KANSL1L: variants seen among roughly 807,000 people sequenced by gnomAD.
KANSL1L encodes the protein KAT8 regulatory NSL complex subunit 1-like protein.
A neutral mutation model predicts 108.6 loss-of-function variants in KANSL1L; 25 were observed. The observed-to-expected ratio is 0.23, with a 90% CI of 0.17 to 0.32. The LOEUF (loss-of-function observed/expected upper bound fraction) is 0.32, where lower values mean the gene tolerates loss of function less well. Ranked by LOEUF, KANSL1L falls within the 10% of genes least tolerant of loss-of-function variation. The pLI is 1.00. For missense variants in KANSL1L, 1,137 were observed against 1,125.7 expected (o/e 1.01, Z -0.14); for synonymous variants, 405 against 395.1 (o/e 1.03, Z -0.30).
At chr2:210,073,919 A>T (rs1235677303) in intron 6 of KANSL1L, among the ~76,000 whole-genome samples, 2 of 152,224 alleles carry the variant, frequency 1.3e-5, no homozygotes, top group East Asian at 3.8e-4. Context: ...GTACTCTTCA[A>T]GGCCCTGCAG....
At chr2:210,060,945 T>C (rs1054041017) in intron 6 of KANSL1L, among the ~76,000 whole-genome samples, 13 of 152,330 alleles carry the variant, frequency 8.5e-5, no homozygotes, top group Admixed American at 8.5e-4. Flanking sequence ...CAACTATTAA[T>C]AGAGAAGAAG....
At chr2:210,143,939 T>C (rs1331276664) in intron 2 of KANSL1L, among the ~76,000 whole-genome samples, 1 of 152,160 alleles carries the variant, frequency 6.6e-6, no homozygotes, top group Non-Finnish European at 1.5e-5. Context: ...TCATATGTTT[T>C]CATGTTCCTA....
Position 210,154,012 on chromosome 2 carries a change from C to A in KANSL1L, c.571G>T (p.Gly191Cys). ...TTCTTTTGAGTACAGTGCAATAAACCCTTTTTAATCTCAGCATCAGTAACT... is the reference window on the plus strand; with the variant it reads ...TTCTTTTGAGTACAGTGCAATAAACACTTTTTAATCTCAGCATCAGTAACT... ...DKVTDAEIKKGLLHCTQKKIV... is the reference protein window; with the variant it reads ...DKVTDAEIKKCLLHCTQKKIV... Residue 191 changes from glycine to cysteine, a missense_variant, in exon 2 of 15, where the codon GGT becomes TGT. Coordinates refer to ENST00000281772, the MANE Select transcript of KANSL1L (RefSeq NM_152519.4). The A allele has an allele frequency of 6.2e-7, 1 of 1,613,852 alleles. No individual in the cohort carries two copies. The highest frequency in any genetic ancestry group is 8.5e-7 in the Non-Finnish European group (1 of 1,179,994).
At chr2:210,124,942 A>C (rs780023929) in intron 3 of KANSL1L, among the ~76,000 whole-genome samples, 16 of 152,130 alleles carry the variant, frequency 1.1e-4, no homozygotes, top group Non-Finnish European at 1.6e-4. Flanking sequence ...CAACTTAAGA[A>C]GACTAAATCT....
chr2:210,104,811 G>T (rs949467924), intron 3 of KANSL1L, among the ~76,000 whole-genome samples: 1 of 152,080 alleles, frequency 6.6e-6, no homozygotes, highest in Non-Finnish European at 1.5e-5. Context: ...CCCTGCCCCT[G>T]TTGCTGTCAG....
chr2:210,146,814 T>C (rs1240554704), intron 2 of KANSL1L, among the ~76,000 whole-genome samples: 1 of 152,256 alleles, frequency 6.6e-6, no homozygotes, highest in African/African-American at 2.4e-5. Context: ...ACAAGCAATC[T>C]GATGCTTTTT....
intron 1 of KANSL1L, among the ~76,000 whole-genome samples, chr2:210,156,587 A>C (rs1356125253): frequency 5.3e-5 from 8 of 152,104 alleles, no homozygotes; most frequent in Admixed American, 5.2e-4. Context: ...AGTACCATAT[A>C]AATATAACAC....
intron 2 of KANSL1L, among the ~76,000 whole-genome samples, chr2:210,148,728 AG>A (rs2095282493): frequency 6.6e-6 from 1 of 152,182 alleles, no homozygotes; most frequent in Non-Finnish European, 1.5e-5. Flanking sequence ...TTGGAGGAAA[AG>A]TAACAAAGTC....
chr2:210,030,999 A>T (rs961431475), intron 9 of KANSL1L: 2 of 154,548 alleles, frequency 1.3e-5, no homozygotes, highest in African/African-American at 4.8e-5. Flanking sequence ...AGCTTTATAT[A>T]TATATATAAG....
At chr2:210,062,347 C>T (rs1431510045) in intron 6 of KANSL1L, among the ~76,000 whole-genome samples, 2 of 152,156 alleles carry the variant, frequency 1.3e-5, no homozygotes, top group African/African-American at 4.8e-5. Flanking sequence ...CTCTTTTTTC[C>T]TCCCAGTCTC....
At chr2:210,067,296 A>G (rs2125299663) in intron 6 of KANSL1L, among the ~76,000 whole-genome samples, 1 of 152,240 alleles carries the variant, frequency 6.6e-6, no homozygotes, top group South Asian at 2.1e-4. Flanking sequence ...CTTCTCTTAT[A>G]TATCTATATA....
chr2:210,143,520 T>C (rs1161110503), intron 2 of KANSL1L, among the ~76,000 whole-genome samples: 1 of 152,174 alleles, frequency 6.6e-6, no homozygotes, highest in African/African-American at 2.4e-5. Flanking sequence ...TTGTTTTTAA[T>C]GCAGATCCTT....
intron 8 of KANSL1L, chr2:210,032,629 A>C (rs1372553050): frequency 6.6e-6 from 1 of 152,258 alleles, no homozygotes; most frequent in Non-Finnish European, 1.5e-5. Context: ...GAGAGAAGGC[A>C]ATGCCCAGGT....
At chr2:210,086,764 A>G (rs908980476) in intron 5 of KANSL1L, among the ~76,000 whole-genome samples, 1 of 152,072 alleles carries the variant, frequency 6.6e-6, no homozygotes, top group Non-Finnish European at 1.5e-5. Context: ...AGTATATAGA[A>G]TGAGGCTAAC....
Position 210,052,778 on chromosome 2 carries a change from C to T in KANSL1L, c.1756-8674G>A, listed in dbSNP as rs116246768. 3.1e-3 allele frequency among the ~76,000 whole-genome samples: 476 copies of T among 152,130 alleles called. 1 individual carries two copies. The highest frequency in any genetic ancestry group is 0.011 in the African/African-American group (454 of 41,510). On this transcript the variant is annotated intron_variant, in intron 6 of 14. Transcript: ENST00000281772. Reference sequence around the variant, plus strand: ...CAATGCCTAGGCACTGTGTGGCACACGGTAGGTACTTAATATTTCTTTACT... The same window carrying T: ...CAATGCCTAGGCACTGTGTGGCACATGGTAGGTACTTAATATTTCTTTACT...
intron 8 of KANSL1L, among the ~76,000 whole-genome samples, chr2:210,031,813 G>C (rs1219740162): frequency 1.3e-5 from 2 of 152,262 alleles, no homozygotes; most frequent in Non-Finnish European, 2.9e-5. Context: ...GATAGAGTGA[G>C]GATTGGCTCA....
intron 5 of KANSL1L, among the ~76,000 whole-genome samples, chr2:210,082,514 T>C (rs1418569753): frequency 1.3e-5 from 2 of 152,212 alleles, no homozygotes; most frequent in Non-Finnish European, 2.9e-5. Flanking sequence ...TTCCCTTGTA[T>C]ACCAGGACAA....
At position 210,044,111 on chromosome 2, in the gene KANSL1L, G is replaced by A; in HGVS notation, c.1756-7C>T. On this transcript the variant is annotated splice_region_variant and splice_polypyrimidine_tract_variant and intron_variant, in intron 6 of 14. Coordinates refer to ENST00000281772, the MANE Select transcript of KANSL1L (RefSeq NM_152519.4). This position sits in a 1 kb window ranked among gnomAD's most constrained non-coding sequence, Gnocchi z 4.2. ...TTTCTTTTGAAGGCAAAGTCTGCAA[G>A]GAAAAACCGTATTAGAATATCACAG... 4 of 1,567,820 alleles carry A rather than the reference G, an allele frequency of 2.6e-6. No individual in the cohort carries two copies. Among genetic ancestry groups the A allele is most frequent in the African/African-American group, 1.4e-5 (1 of 73,082 alleles).
At chr2:210,130,804 A>G (rs998039534) in intron 2 of KANSL1L, among the ~76,000 whole-genome samples, 1 of 151,510 alleles carries the variant, frequency 6.6e-6, no homozygotes, top group Non-Finnish European at 1.5e-5. Flanking sequence ...AAATGTTTGG[A>G]TTTTAAAACA....
Sources: gnomAD v4.1 joint callset for allele counts (sites outside exome capture counted in the v4.1 genomes callset) on GRCh38, gnomAD v4.1.1 for gene constraint, Gnocchi (gnomAD v3.1) non-coding constraint, MANE v1.5 for transcripts, NCBI Gene and HGNC (gene_info 2026-07-23, HGNC 2026-07-21) for gene names.